The following CAPN14 variants were observed in gnomAD, a reference collection of about 807,000 sequenced individuals.
CAPN14 encodes the protein calpain-14.
CAPN14 carries 94 observed loss-of-function variants against 101.3 expected under a neutral mutation model. That is an observed-to-expected ratio of 0.93 (90% CI 0.79 to 1.10). The LOEUF is 1.10. Among genes scored for constraint, CAPN14 ranks in the 50% least tolerant of loss-of-function variants. The pLI is 0.00. For missense variants in CAPN14, 837 were observed against 828.4 expected, an observed-to-expected ratio of 1.01 and a Z score of -0.13; for synonymous variants, 338 against 317.9, an observed-to-expected ratio of 1.06 and a Z score of -0.67.
chr2:31,222,838 C>T (rs952816231), intron 2 of CAPN14, among the ~76,000 whole-genome samples: 4 of 152,176 alleles, frequency 2.6e-5, no homozygotes, highest in Non-Finnish European at 5.9e-5. Context: ...TCCTGACCCC[C>T]AGTGTGATCA....
rs1406015234 is a variant in CAPN14 at position 31,203,107 on chromosome 2, G to A, written c.258C>T (p.Ala86=). The part of the protein sequence containing the change: ...ELHSNPQFYF[A]KAKRLDLCQG... ...GGCACAGATCCAGCCTTTTGGCCTT[G>A]GCAAAATAAAACTGGGGATTGCTGT... Residue 86 remains alanine, a synonymous_variant, in exon 3 of 22, where the codon GCC becomes GCT. Coordinates refer to ENST00000403897, the MANE Select transcript of CAPN14 (RefSeq NM_001145122.2). The A allele has an allele frequency of 1.6e-5, 25 of 1,551,468 alleles. No individual in the cohort carries two copies. In the African/African-American group the frequency reaches 2.7e-4, roughly 17 times the overall value.
At chr2:31,225,968 C>G (rs1440944519) in intron 2 of CAPN14, among the ~76,000 whole-genome samples, 1 of 151,690 alleles carries the variant, frequency 6.6e-6, no homozygotes, top group Non-Finnish European at 1.5e-5. Flanking sequence ...TAAGGGAGGG[C>G]GACTATTCAT....
At chr2:31,225,797 A>G (rs1371233242) in intron 2 of CAPN14, among the ~76,000 whole-genome samples, 1 of 152,160 alleles carries the variant, frequency 6.6e-6, no homozygotes, top group African/African-American at 2.4e-5. Flanking sequence ...TAAGTTAAAT[A>G]TAAGTGCACA....
chr2:31,192,639 G>T (rs1332514414), intron 10 of CAPN14, among the ~76,000 whole-genome samples: 3 of 152,092 alleles, frequency 2.0e-5, no homozygotes, highest in Non-Finnish European at 4.4e-5. Flanking sequence ...GTCCCATCTT[G>T]GGAGTCCAGA....
chr2:31,232,607 T>C (rs560916876), intron 1 of CAPN14, among the ~76,000 whole-genome samples: 1 of 152,116 alleles, frequency 6.6e-6, no homozygotes, highest in South Asian at 2.1e-4. Context: ...GAGAGAGAAG[T>C]ATGAGGAACC....
upstream of CAPN14, among the ~76,000 whole-genome samples, chr2:31,217,712 C>T (rs1046839079): frequency 1.3e-5 from 2 of 152,132 alleles, no homozygotes; most frequent in Admixed American, 6.5e-5. Context: ...ACAGAGAAAG[C>T]CTGTTTCAGT....
Position 31,178,002 on chromosome 2 carries a change from G to A in CAPN14, c.1780-181C>T, listed in dbSNP as rs368066918. ...CCATGCTGGGATCCTACCGCCTCAT[G>A]TTTCCTACAGAACAAGGCTTCTGAG... On this transcript the variant is annotated intron_variant, in intron 18 of 21. Coordinates refer to ENST00000403897, the MANE Select transcript of CAPN14 (RefSeq NM_001145122.2). 1.3e-3 allele frequency among the ~76,000 whole-genome samples: 192 copies of A among 152,308 alleles called. 5 individuals are homozygous for A. In the South Asian group the frequency reaches 0.039, roughly 31 times the overall value.
At chr2:31,190,521 C>A (rs1572403373) in intron 12 of CAPN14, among the ~76,000 whole-genome samples, 2 of 152,266 alleles carry the variant, frequency 1.3e-5, no homozygotes, top group African/African-American at 2.4e-5. Context: ...GTAGAAGCAA[C>A]TGCCTACCTA....
At chr2:31,227,747 G>A (rs764336867) in intron 1 of CAPN14, among the ~76,000 whole-genome samples, 1 of 152,190 alleles carries the variant, frequency 6.6e-6, no homozygotes, top group Non-Finnish European at 1.5e-5. Flanking sequence ...ATGCACTTTC[G>A]CCTCCAACTG....
chr2:31,200,024 AC>A (rs1473104412), intron 6 of CAPN14, among the ~76,000 whole-genome samples: 1 of 151,938 alleles, frequency 6.6e-6, no homozygotes, highest in Admixed American at 6.6e-5. Context: ...GCTTTTTAAA[AC>A]GGAATCTCTC....
chr2:31,193,394 C>T, intron 9 of CAPN14, 100 bp from the exon 10 acceptor site: 5 of 1,193,028 alleles, frequency 4.2e-6, no homozygotes, highest in Non-Finnish European at 5.9e-6. Context: ...GCATCCCAGC[C>T]CTCTCATGGA....
intron 1 of CAPN14, 85 bp downstream of exon 1, chr2:31,217,371 T>G (rs116230693): frequency 8.7e-4 from 133 of 152,254 alleles, no homozygotes; most frequent in African/African-American, 3.1e-3. Context: ...AATACCATCC[T>G]CTCACCTTCT....
chr2:31,233,236 T>C (rs1415369388), intron 1 of CAPN14, among the ~76,000 whole-genome samples: 1 of 152,232 alleles, frequency 6.6e-6, no homozygotes, highest in Non-Finnish European at 1.5e-5. Context: ...AAGCCTTTCA[T>C]GCTTGGCCTC....
chr2:31,212,010 A>G (rs958096292), intron 1 of CAPN14, among the ~76,000 whole-genome samples: 3 of 152,180 alleles, frequency 2.0e-5, no homozygotes, highest in African/African-American at 7.2e-5. Context: ...AACTCAATGA[A>G]CTATGTACAA....
intron 1 of CAPN14, among the ~76,000 whole-genome samples, chr2:31,227,055 T>G (rs1009866960): frequency 6.6e-6 from 1 of 152,200 alleles, no homozygotes; most frequent in African/African-American, 2.4e-5. Context: ...ACACCTGTGC[T>G]ACAAAAGCAG....
intron 15 of CAPN14, among the ~76,000 whole-genome samples, chr2:31,187,349 T>G (rs1386501344): frequency 6.6e-6 from 1 of 151,964 alleles, no homozygotes; most frequent in East Asian, 1.9e-4. Flanking sequence ...TGACCACTCA[T>G]GGGCCCCTTC....
At chr2:31,216,994 C>G (rs1208158115) in intron 1 of CAPN14, among the ~76,000 whole-genome samples, 1 of 152,190 alleles carries the variant, frequency 6.6e-6, no homozygotes, top group Non-Finnish European at 1.5e-5. Context: ...CAGTCGGCCT[C>G]CTTGACTCTG....
chr2:31,194,481 G>A lies in CAPN14; in HGVS notation c.878C>T (p.Ser293Leu). The change falls in exon 9 of 22, where the codon TCA (serine) becomes TTA (leucine). Residue 293 changes from serine (S) to leucine (L), a missense_variant and splice_region_variant. Physicochemically the swap from Ser to Leu is moderately radical, Grantham distance 145. Coordinates refer to ENST00000403897, the MANE Select transcript of CAPN14 (RefSeq NM_001145122.2). The stretch of plus-strand genomic sequence containing the variant: ...GGGGCTCAGCAGCTCCCATTTACTT[G>A]AACTGAAAATAGAAAAGGGAATGAA... ...VEWKGDWSDSSSKWELLSPKE... is the reference protein window; with the variant it reads ...VEWKGDWSDSLSKWELLSPKE... The A allele has an allele frequency of 6.5e-7, 1 of 1,550,076 alleles. No homozygotes were observed. Among genetic ancestry groups the A allele is most frequent in the Non-Finnish European group, 8.7e-7 (1 of 1,145,662 alleles).
rs370282224 is a variant in CAPN14, at chr2:31,201,963, G to A, written c.450C>T (p.Ile150=). 5.2e-6 allele frequency: 8 copies of A among 1,551,716 alleles called. No individual in the cohort carries two copies. Among genetic ancestry groups the A allele is most frequent in the Non-Finnish European group, 7.0e-6 (8 of 1,147,004 alleles). ...WHYGNWVPVV[I]DDRLPVNEAG... is the part of the protein sequence containing the mutation. ...CCTCATTCACAGGCAGACGGTCATC[G>A]ATCACCACAGGAACCCAGTTCCCAT... is the stretch of plus-strand genomic sequence containing the variant. Residue 150 remains isoleucine (I), a synonymous_variant, in exon 5 of 22, where the codon ATC becomes ATT. Transcript: ENST00000403897.
Sources: allele counts gnomAD v4.1 joint callset (sites outside exome capture counted in the v4.1 genomes callset), GRCh38; gene constraint gnomAD v4.1.1; transcripts MANE v1.5; gene names NCBI Gene and HGNC (gene_info 2026-07-23, HGNC 2026-07-21).